The following PAM variants were observed in gnomAD, a reference collection of about 807,000 sequenced individuals.
PAM encodes the protein peptidylglycine alpha-amidating monooxygenase.
In PAM, 72 loss-of-function variants were observed where a neutral mutation model predicts 122.1. That is an observed-to-expected ratio of 0.59 (90% CI 0.49 to 0.72). The LOEUF is 0.72. PAM is among the 30% of genes least tolerant of loss of function. The probability of loss-of-function intolerance (pLI) is 0.00; values close to 1 mark genes in which losing one functional copy is unlikely to be tolerated. For missense variants in PAM, 1,106 were observed against 1,183.7 expected, an observed-to-expected ratio of 0.93 and a Z score of 0.96; for synonymous variants, 389 against 404.4, an observed-to-expected ratio of 0.96 and a Z score of 0.46.
rs529497814 is a variant in PAM at position 102,916,713 on chromosome 5, T to C, written c.356+2692T>C. On this transcript the variant is annotated intron_variant, in intron 5 of 25. Transcript: ENST00000438793. ...ATATTTGTATATAATATATGATATA[T>C]ATTATATATCATATATTTATTTTAT... is the stretch of plus-strand genomic sequence containing the variant. Among the ~76,000 whole-genome samples, 7 of 147,192 alleles carry C rather than the reference T, an allele frequency of 4.8e-5. No individual in the cohort carries two copies. The East Asian group carries it at 1.4e-3, about 29-fold the overall frequency.
At chr5:102,901,773 C>T (rs894473094) in intron 4 of PAM, among the ~76,000 whole-genome samples, 3 of 151,330 alleles carry the variant, frequency 2.0e-5, no homozygotes, top group African/African-American at 7.3e-5. Context: ...TATAAATCGA[C>T]TGCACTTAGA....
chr5:102,769,106 T>C (rs565099365), intron 1 of PAM, among the ~76,000 whole-genome samples: 7 of 152,292 alleles, frequency 4.6e-5, no homozygotes, highest in Non-Finnish European at 7.4e-5. Flanking sequence ...ATAAATGATG[T>C]TGAGCGCCTT....
intron 22 of PAM, among the ~76,000 whole-genome samples, chr5:103,019,156 CAATACACA>C (rs1274372156): frequency 6.6e-6 from 1 of 152,082 alleles, no homozygotes; most frequent in Non-Finnish European, 1.5e-5. Flanking sequence ...GGGACTGTTA[CAATACACA>C]TGGCCAGTCC....
rs12656131 is a variant in PAM at position 102,990,174 on chromosome 5, A to G, written c.1484-98A>G. 250,127 of 782,192 alleles carry G rather than the reference A, an allele frequency of 0.32. 41,329 individuals are homozygous for G. The highest frequency in any genetic ancestry group is 0.43 in the East Asian group (15,612 of 36,288). The allele number at this position is 782,192 out of a possible 1,614,324, so 48.5% of individuals were successfully genotyped here. Reference sequence around the variant, plus strand: ...TGTCTTTTTTTATTTCTTTGCATCTAGTGATGTTATTGCATGAGCTTCTTG... The same window carrying G: ...TGTCTTTTTTTATTTCTTTGCATCTGGTGATGTTATTGCATGAGCTTCTTG... On this transcript the variant is annotated intron_variant, in intron 15 of 25. Transcript: ENST00000438793.
chr5:102,959,272 A>G (rs879915586), intron 12 of PAM, among the ~76,000 whole-genome samples: 11 of 152,088 alleles, frequency 7.2e-5, no homozygotes, highest in Admixed American at 2.6e-4. Flanking sequence ...CTGCTATAAA[A>G]GCCTAGTTGC....
intron 1 of PAM, among the ~76,000 whole-genome samples, chr5:102,784,817 G>A (rs1760051935): frequency 6.6e-6 from 1 of 152,078 alleles, no homozygotes; most frequent in South Asian, 2.1e-4. Context: ...CTTTATTATT[G>A]TTGTTATTCG....
chr5:102,859,665 T>C (rs769427006), intron 1 of PAM, among the ~76,000 whole-genome samples: 4 of 152,154 alleles, frequency 2.6e-5, no homozygotes, highest in African/African-American at 7.2e-5. Context: ...ATAAAGTCTA[T>C]AGTAGTGTAC....
At chr5:102,872,073 C>T (rs1787701857) in intron 3 of PAM, among the ~76,000 whole-genome samples, 1 of 151,936 alleles carries the variant, frequency 6.6e-6, no homozygotes, top group Non-Finnish European at 1.5e-5. Flanking sequence ...AATCATTTTC[C>T]TCCCTTATTT....
intron 1 of PAM, among the ~76,000 whole-genome samples, chr5:102,852,163 A>C (rs1195322076): frequency 6.6e-6 from 1 of 152,178 alleles, no homozygotes; most frequent in East Asian, 1.9e-4. Context: ...ATTGGCCATT[A>C]ATTTTGAATA....
At chr5:103,017,653 C>G (rs1411450225) in intron 22 of PAM, among the ~76,000 whole-genome samples, 1 of 152,122 alleles carries the variant, frequency 6.6e-6, no homozygotes, top group East Asian at 1.9e-4. Context: ...ATTCTTGATG[C>G]CTGAAGTACT....
At chr5:102,851,210 A>G (rs913575204) in intron 1 of PAM, among the ~76,000 whole-genome samples, 1 of 152,220 alleles carries the variant, frequency 6.6e-6, no homozygotes, top group Non-Finnish European at 1.5e-5. Context: ...AAAAATTTAA[A>G]TACAAAAGAT....
At chr5:103,011,402 T>A (rs529429955) in intron 21 of PAM, among the ~76,000 whole-genome samples, 92 of 140,940 alleles carry the variant, frequency 6.5e-4, no homozygotes, top group Middle Eastern at 3.5e-3. Flanking sequence ...ACACACACAC[T>A]CTCTCTCTCT....
intron 1 of PAM, among the ~76,000 whole-genome samples, chr5:102,807,190 G>T (rs915074311): frequency 2.0e-5 from 3 of 152,142 alleles, no homozygotes; most frequent in African/African-American, 7.2e-5. Context: ...TCATGGAGAA[G>T]AAAACAATAG....
intron 6 of PAM, among the ~76,000 whole-genome samples, 164 bp from the exon 7 acceptor site, chr5:102,926,421 G>T (rs1320986244): frequency 6.6e-6 from 1 of 152,196 alleles, no homozygotes; most frequent in African/African-American, 2.4e-5. Flanking sequence ...TATAATGACA[G>T]ATTATATTAG....
chr5:102,824,530 A>G (rs555421758), intron 1 of PAM, among the ~76,000 whole-genome samples: 1 of 152,308 alleles, frequency 6.6e-6, no homozygotes, highest in African/African-American at 2.4e-5. Flanking sequence ...CTTACACTAT[A>G]TTTGATAGTG....
At chr5:103,025,454 C>G (rs1784700454) in intron 24 of PAM, 120 bp downstream of exon 24, 1 of 748,846 alleles carries the variant, frequency 1.3e-6, no homozygotes, top group Non-Finnish European at 2.3e-6. Flanking sequence ...TTTTAATGCT[C>G]TCTACCATTT....
chr5:103,012,901 G>A (rs1444871785), intron 21 of PAM, among the ~76,000 whole-genome samples: 1 of 148,916 alleles, frequency 6.7e-6, no homozygotes, highest in Non-Finnish European at 1.5e-5. Flanking sequence ...GTGGATTTTT[G>A]TCTGGGTTCT....
chr5:102,910,922 C>T (rs1381842624), intron 4 of PAM, among the ~76,000 whole-genome samples: 1 of 151,864 alleles, frequency 6.6e-6, no homozygotes, highest in Admixed American at 6.6e-5. Flanking sequence ...GTGCCCAGCA[C>T]ACCTAGAATT....
At chr5:102,879,849 C>T (rs1790406408) in intron 3 of PAM, among the ~76,000 whole-genome samples, 1 of 152,152 alleles carries the variant, frequency 6.6e-6, no homozygotes, top group South Asian at 2.1e-4. Flanking sequence ...AGGCTTACAG[C>T]CTAGAAGTAA....
Sources: allele counts gnomAD v4.1 joint callset (sites outside exome capture counted in the v4.1 genomes callset), GRCh38; gene constraint gnomAD v4.1.1; transcripts MANE v1.5; gene names NCBI Gene and HGNC (gene_info 2026-07-23, HGNC 2026-07-21).